The following GALNT13 variants were observed in gnomAD, a reference collection of about 807,000 sequenced individuals.
GALNT13 encodes the protein polypeptide N-acetylgalactosaminyltransferase 13, also known as UDP-GalNAc:polypeptide N-acetylgalactosaminyltransferase 13.
In GALNT13, 28 loss-of-function variants were observed where a neutral mutation model predicts 64.2. The ratio of observed to expected loss-of-function variants is 0.44; its 90% CI spans 0.32 to 0.60. The LOEUF is 0.60. GALNT13 is among the 20% of genes least tolerant of loss of function. GALNT13 has a pLI of 0.05. For synonymous variants in GALNT13, 214 were observed against 224.6 expected, an observed-to-expected ratio of 0.95 and a Z score of 0.42; for missense variants, 577 against 669.8, an observed-to-expected ratio of 0.86 and a Z score of 1.53.
chr2:153,630,801 ATATATATTTTTTTTTTTT>A, the GALNT13 span, among the ~76,000 whole-genome samples: 2 of 17,246 alleles, frequency 1.2e-4, no homozygotes, highest in African/African-American at 2.0e-4. Context: ...ATATATATAT[ATATATATTTTTTTTTTTT>A]TTTTTATTAT....
the GALNT13 span, among the ~76,000 whole-genome samples, chr2:153,640,191 G>A: frequency 3.9e-3 from 592 of 152,168 alleles, 5 homozygotes; most frequent in African/African-American, 0.014. Flanking sequence ...GGAAGCTGGA[G>A]AATGATAGTT....
intron 4 of GALNT13, 112 bp from the exon 5 acceptor site, chr2:154,241,918 C>A: frequency 3.6e-6 from 2 of 554,934 alleles, no homozygotes; most frequent in Non-Finnish European, 6.0e-6. Flanking sequence ...TAAAACATTT[C>A]CTTAGTAAGG....
chr2:154,377,455 G>A (rs10210987), intron 9 of GALNT13, among the ~76,000 whole-genome samples: 87,526 of 151,854 alleles, frequency 0.58, 25,659 homozygotes, highest in Admixed American at 0.65. Flanking sequence ...GGAGGAATTA[G>A]CCTTTTCTTT....
chr2:153,239,650 C>T, the GALNT13 span, among the ~76,000 whole-genome samples: 2 of 152,126 alleles, frequency 1.3e-5, no homozygotes, highest in African/African-American at 4.8e-5. Flanking sequence ...GTATGTTGAA[C>T]TATTCTTGTA....
intron 4 of GALNT13, among the ~76,000 whole-genome samples, chr2:154,235,513 G>A (rs1289393623): frequency 6.6e-6 from 1 of 152,142 alleles, no homozygotes; most frequent in Non-Finnish European, 1.5e-5. Context: ...GAATGTTAAT[G>A]ATTGGGAAAC....
At chr2:154,367,098 A>ACCTAT (rs1491332645) in intron 9 of GALNT13, among the ~76,000 whole-genome samples, 1 of 151,608 alleles carries the variant, frequency 6.6e-6, no homozygotes, top group East Asian at 1.9e-4. Flanking sequence ...ATTATATAAC[A>ACCTAT]GAGTAAAAAT....
At chr2:153,997,740 C>G (rs1340634550) in intron 3 of GALNT13, among the ~76,000 whole-genome samples, 3 of 152,102 alleles carry the variant, frequency 2.0e-5, no homozygotes, top group African/African-American at 7.2e-5. Context: ...GGTTGCTGCA[C>G]CCATCAACCT....
the GALNT13 span, among the ~76,000 whole-genome samples, chr2:153,796,537 T>A: frequency 6.6e-6 from 1 of 152,208 alleles, no homozygotes; most frequent in Non-Finnish European, 1.5e-5. Flanking sequence ...TAAAAATAAA[T>A]ATTACAGTAA....
intron 9 of GALNT13, 112 bp downstream of exon 9, chr2:154,301,701 C>A (rs1574051713): frequency 4.4e-6 from 3 of 688,370 alleles, no homozygotes; most frequent in South Asian, 2.8e-5. Flanking sequence ...TGTTTATTAC[C>A]ATAATATTGC....
intron 1 of GALNT13, among the ~76,000 whole-genome samples, chr2:153,886,882 T>G (rs1170058455): frequency 6.6e-6 from 1 of 151,630 alleles, no homozygotes; most frequent in Non-Finnish European, 1.5e-5. Flanking sequence ...ATGTAGAGAT[T>G]CAAGTTAGGA....
rs1692124719 is a variant in GALNT13, at chr2:154,284,172, C to A, written c.976-17237C>A. The stretch of plus-strand genomic sequence containing the variant: ...AGCAATTTTGAAATACAAAATACAT[C>A]ATCATTAACTGTGGTCACCCTGCAG... On this transcript the variant is annotated intron_variant, in intron 8 of 12. Transcript: ENST00000392825. Among the ~76,000 whole-genome samples the A allele has an allele frequency of 5.9e-5, 9 of 152,042 alleles. No homozygotes were observed. The South Asian group carries it at 1.4e-3, about 24-fold the overall frequency.
At chr2:153,456,942 A>C in the GALNT13 span, among the ~76,000 whole-genome samples, 1 of 152,222 alleles carries the variant, frequency 6.6e-6, no homozygotes, top group Non-Finnish European at 1.5e-5. Flanking sequence ...CAGGAAGTGG[A>C]GGGAACTATG....
At chr2:154,124,273 GA>G (rs912436517) in intron 3 of GALNT13, among the ~76,000 whole-genome samples, 3 of 151,880 alleles carry the variant, frequency 2.0e-5, no homozygotes. Context: ...TAAAAAGAGA[GA>G]GATATGTCCT....
chr2:154,008,216 C>G (rs187120508), intron 3 of GALNT13, among the ~76,000 whole-genome samples: 17 of 152,162 alleles, frequency 1.1e-4, no homozygotes, highest in African/African-American at 4.1e-4. Flanking sequence ...ATGCTTCCAG[C>G]TTTTGCCCAT....
the GALNT13 span, among the ~76,000 whole-genome samples, chr2:153,788,452 T>C: frequency 2.0e-5 from 3 of 151,980 alleles, no homozygotes; most frequent in Non-Finnish European, 2.9e-5. Flanking sequence ...CTAAAAAAAT[T>C]ACTAAATCTT....
chr2:153,441,146 G>A, the GALNT13 span, among the ~76,000 whole-genome samples: 183 of 152,062 alleles, frequency 1.2e-3, no homozygotes, highest in African/African-American at 3.9e-3. Context: ...GAAGGGGTCC[G>A]GTTTCAGATT....
At chr2:154,140,658 G>C (rs1683209415) in intron 4 of GALNT13, among the ~76,000 whole-genome samples, 153 bp downstream of exon 4, 1 of 152,104 alleles carries the variant, frequency 6.6e-6, no homozygotes, top group African/African-American at 2.4e-5. Context: ...TGCATATGCT[G>C]AAAAAGGCGA....
At chr2:153,784,793 G>C in the GALNT13 span, among the ~76,000 whole-genome samples, 1 of 152,194 alleles carries the variant, frequency 6.6e-6, no homozygotes, top group African/African-American at 2.4e-5. Context: ...ACTCCAGCCA[G>C]CCATGGGTGA....
the GALNT13 span, among the ~76,000 whole-genome samples, chr2:153,399,717 T>C: frequency 1.3e-5 from 2 of 151,476 alleles, no homozygotes; most frequent in African/African-American, 4.9e-5. Context: ...ATGATTTGGC[T>C]CTCTGTTTGT....
Sources: allele counts gnomAD v4.1 joint callset (sites outside exome capture counted in the v4.1 genomes callset), GRCh38; gene constraint gnomAD v4.1.1; transcripts MANE v1.5; gene names NCBI Gene and HGNC (gene_info 2026-07-23, HGNC 2026-07-21).